The following DTWD2 variants were observed in gnomAD, a reference collection of about 807,000 sequenced individuals.
The protein encoded by DTWD2 is tRNA-uridine aminocarboxypropyltransferase 2.
In DTWD2, 39 loss-of-function variants were observed where a neutral mutation model predicts 31.8. That is an observed-to-expected ratio of 1.22 (90% CI 0.95 to 1.60). The LOEUF is 1.60. Ranked by LOEUF, DTWD2 falls within the 40% of genes most tolerant of loss-of-function variation. DTWD2 has a pLI of 0.00. For synonymous variants in DTWD2, 180 were observed against 142.8 expected (o/e 1.26, Z -1.86); for missense variants, 515 against 381.5 (o/e 1.35, Z -2.92).
intron 4 of DTWD2, among the ~76,000 whole-genome samples, chr5:118,883,001 A>G (rs1306175273): frequency 6.6e-6 from 1 of 152,202 alleles, no homozygotes; most frequent in African/African-American, 2.4e-5. Flanking sequence ...AATTTTCCAA[A>G]CCTTTATGTT....
At chr5:118,918,389 C>T (rs561687049) in intron 4 of DTWD2, among the ~76,000 whole-genome samples, 11 of 150,124 alleles carry the variant, frequency 7.3e-5, no homozygotes, top group African/African-American at 1.7e-4. Context: ...TGCAGTGGCA[C>T]GATCTCGGCT....
At chr5:118,900,409 T>C (rs1036679647) in intron 4 of DTWD2, among the ~76,000 whole-genome samples, 1 of 152,138 alleles carries the variant, frequency 6.6e-6, no homozygotes, top group African/African-American at 2.4e-5. Flanking sequence ...AACACAATAA[T>C]GCTACAAAAC....
chr5:118,986,405 G>T (rs1395433721), intron 1 of DTWD2, among the ~76,000 whole-genome samples: 2 of 152,128 alleles, frequency 1.3e-5, no homozygotes, highest in Non-Finnish European at 1.5e-5. Context: ...TAATGAGCAA[G>T]ATTCTGCTGA....
chr5:118,839,130 C>A lies in DTWD2; in HGVS notation c.*1787G>T, dbSNP rs991375499. The A allele has an allele frequency of 6.6e-6, 1 of 151,806 alleles. No individual in the cohort carries two copies. The highest frequency in any genetic ancestry group is 1.5e-5 in the Non-Finnish European group (1 of 67,960). 9.4% of individuals were successfully genotyped at this position (151,806 alleles called of 1,614,324 possible). On this transcript the variant is annotated 3_prime_UTR_variant, in exon 6 of 6. Coordinates refer to ENST00000510708, the MANE Select transcript of DTWD2 (RefSeq NM_173666.4). ...TGAGCCAAGATTGCGCCACTGCACT[C>A]CAGCCTGGGCGACAGAGCGAGATTC...
At chr5:118,935,713 AC>A (rs1754030607) in intron 3 of DTWD2, among the ~76,000 whole-genome samples, 1 of 152,228 alleles carries the variant, frequency 6.6e-6, no homozygotes, top group Non-Finnish European at 1.5e-5. Flanking sequence ...ATACATATTC[AC>A]CTACTTGAAG....
intron 4 of DTWD2, among the ~76,000 whole-genome samples, chr5:118,914,995 G>GGGATTACT (rs1201771797): frequency 6.6e-6 from 1 of 152,170 alleles, no homozygotes; most frequent in Admixed American, 6.5e-5. Flanking sequence ...GGGAGGCTAA[G>GGGATTACT]GTGGGTGGAT....
At chr5:118,849,923 T>C (rs1482207191) in intron 4 of DTWD2, among the ~76,000 whole-genome samples, 2 of 152,074 alleles carry the variant, frequency 1.3e-5, no homozygotes, top group African/African-American at 4.8e-5. Flanking sequence ...AAATACCTAA[T>C]GTAGATGATG....
intron 4 of DTWD2, among the ~76,000 whole-genome samples, chr5:118,907,355 A>C (rs1335607866): frequency 6.6e-6 from 1 of 152,002 alleles, no homozygotes. Flanking sequence ...ATAGAGAGAG[A>C]GAGAAAGAGA....
At chr5:118,899,546 A>AT (rs528524588) in intron 4 of DTWD2, among the ~76,000 whole-genome samples, 2 of 152,152 alleles carry the variant, frequency 1.3e-5, no homozygotes, top group Non-Finnish European at 2.9e-5. Context: ...GAAGCCGAAT[A>AT]TATATACCAA....
rs1580758241 is a variant in DTWD2, at chr5:118,840,839, C to A, written c.*78G>T. On this transcript the variant is annotated 3_prime_UTR_variant, in exon 6 of 6. Coordinates refer to ENST00000510708, the MANE Select transcript of DTWD2 (RefSeq NM_173666.4). ...CCTTCTTTAGCAAGTCAAAAACCTA[C>A]AGACCTTAACTATATGAAAACTTAA... is the stretch of plus-strand genomic sequence containing the variant. The A allele has an allele frequency of 1.4e-6, 2 of 1,453,548 alleles. No homozygotes were observed. The allele number at this position is 1,453,548 out of a possible 1,614,324, so 90.0% of individuals were successfully genotyped here. A position where few individuals can be genotyped will look rare whatever the true frequency, so the allele number is the denominator to read the frequency against.
At chr5:118,971,538 C>T (rs1323999126) in intron 1 of DTWD2, among the ~76,000 whole-genome samples, 2 of 152,118 alleles carry the variant, frequency 1.3e-5, no homozygotes, top group African/African-American at 2.4e-5. Context: ...TAGTGAGAGA[C>T]TTTAACACCC....
chr5:118,918,295 G>A (rs941685704), intron 4 of DTWD2, among the ~76,000 whole-genome samples: 5 of 152,008 alleles, frequency 3.3e-5, no homozygotes, highest in South Asian at 2.1e-4. Flanking sequence ...CAATCTGACC[G>A]CCAAGAGATG....
chr5:118,851,211 C>G (rs1337953045), intron 4 of DTWD2, among the ~76,000 whole-genome samples: 1 of 141,714 alleles, frequency 7.1e-6, no homozygotes, highest in African/African-American at 2.6e-5. Flanking sequence ...AGAGTGAGAC[C>G]CTATCTCAAA....
At position 118,973,686 on chromosome 5, in the gene DTWD2, C is replaced by A; in HGVS notation, c.218+14608G>T. ...GCCTCCTTGCTCGCCGCAGCCGCCT[C>A]CGCCACGCGCCTCCTCCGCCGCCGC... On this transcript the variant is annotated intron_variant, in intron 1 of 5. Coordinates refer to ENST00000510708, the MANE Select transcript of DTWD2 (RefSeq NM_173666.4). 2.3e-6 allele frequency: 3 copies of A among 1,305,186 alleles called. No individual in the cohort carries two copies. The South Asian group carries it at 3.7e-5, about 16-fold the overall frequency. The allele number at this position is 1,305,186 out of a possible 1,614,324, so 80.9% of individuals were successfully genotyped here. A position where few individuals can be genotyped will look rare whatever the true frequency, so the allele number is the denominator to read the frequency against.
intron 1 of DTWD2, among the ~76,000 whole-genome samples, chr5:118,986,820 G>C (rs299204): frequency 6.6e-6 from 1 of 150,756 alleles, no homozygotes; most frequent in Non-Finnish European, 1.5e-5. Flanking sequence ...TAGAATTATA[G>C]TCTACCTAAT....
intron 1 of DTWD2, among the ~76,000 whole-genome samples, chr5:118,969,210 G>A (rs935110883): frequency 3.9e-5 from 6 of 152,086 alleles, no homozygotes; most frequent in Admixed American, 3.3e-4. Context: ...GGGGGAAGCG[G>A]TGACTGTATT....
At chr5:118,895,188 G>T (rs953613804) in intron 4 of DTWD2, among the ~76,000 whole-genome samples, 1 of 151,924 alleles carries the variant, frequency 6.6e-6, no homozygotes, top group East Asian at 1.9e-4. Context: ...AAATCAACAC[G>T]CAAAAATGAT....
intron 2 of DTWD2, among the ~76,000 whole-genome samples, chr5:118,941,792 T>C (rs969087294): frequency 9.9e-5 from 15 of 152,182 alleles, no homozygotes; most frequent in Admixed American, 5.2e-4. Context: ...TACAGTCCCA[T>C]CAACAGTGTA....
chr5:118,933,970 T>G (rs1016681213), intron 3 of DTWD2, among the ~76,000 whole-genome samples: 1 of 150,550 alleles, frequency 6.6e-6, no homozygotes, highest in Non-Finnish European at 1.5e-5. Context: ...TCACAAGATA[T>G]AAGGTTAATA....
Sources: allele counts gnomAD v4.1 joint callset (sites outside exome capture counted in the v4.1 genomes callset), GRCh38; gene constraint gnomAD v4.1.1; transcripts MANE v1.5; gene names NCBI Gene and HGNC (gene_info 2026-07-23, HGNC 2026-07-21).